Variants in LRRTM3 observed in about 807,000 individuals in gnomAD.
LRRTM3 encodes leucine-rich repeat transmembrane neuronal protein 3.
A neutral mutation model predicts 44.7 loss-of-function variants in LRRTM3; 24 were observed. That is an observed-to-expected ratio of 0.54 (90% confidence interval 0.39 to 0.76). The LOEUF (loss-of-function observed/expected upper bound fraction) is 0.76, where lower values mean the gene tolerates loss of function less well. Ranked by LOEUF, LRRTM3 falls within the 30% of genes least tolerant of loss-of-function variation. The pLI, the probability that LRRTM3 is intolerant of heterozygous loss-of-function variation, is 0.00. For missense variants in LRRTM3, 587 were observed against 702.2 expected, an observed-to-expected ratio of 0.84 and a Z score of 1.85; for synonymous variants, 277 against 278.7, an observed-to-expected ratio of 0.99 and a Z score of 0.06.
intron 2 of LRRTM3, chr10:67,015,430 A>C (rs1036478420): frequency 6.6e-6 from 1 of 152,152 alleles, no homozygotes; most frequent in Non-Finnish European, 1.5e-5. Context: ...TTGATACTAT[A>C]TTTGACTGAA....
intron 2 of LRRTM3, among the ~76,000 whole-genome samples, chr10:66,934,414 A>C (rs139163667): frequency 1.7e-3 from 260 of 152,256 alleles, no homozygotes; most frequent in African/African-American, 6.2e-3. Flanking sequence ...AACACAATTC[A>C]GTCATTTGGC....
chr10:66,996,664 A>G (rs1220992933), intron 2 of LRRTM3, among the ~76,000 whole-genome samples: 1 of 150,730 alleles, frequency 6.6e-6, no homozygotes, highest in Non-Finnish European at 1.5e-5. Flanking sequence ...AAAAAAAAAA[A>G]AAAAAAAGCA....
rs1589482938 is a variant in LRRTM3 at position 66,953,743 on chromosome 10, GA to G, written c.1536+25292del. Reference sequence around the variant, plus strand: ...CTTCTGATATGTTTTATGACATGCTGACACTGTCCTCCTAAGATAATATTAG... The same window carrying G: ...CTTCTGATATGTTTTATGACATGCTGCACTGTCCTCCTAAGATAATATTAG... On this transcript the variant is annotated intron_variant, in intron 2 of 2. Transcript: ENST00000361320. 2.6e-5 allele frequency among the ~76,000 whole-genome samples: 4 copies of G among 152,124 alleles called. No individual in the cohort carries two copies. In the East Asian group the frequency reaches 7.7e-4, roughly 29 times the overall value.
intron 2 of LRRTM3, among the ~76,000 whole-genome samples, chr10:67,049,212 A>G (rs924808319): frequency 2.6e-5 from 4 of 152,122 alleles, no homozygotes; most frequent in Non-Finnish European, 5.9e-5. Flanking sequence ...TGGTAGAAAC[A>G]GGAGGCAGGG....
At chr10:67,078,769 G>GC (rs1856875521) in intron 2 of LRRTM3, among the ~76,000 whole-genome samples, 2 of 151,976 alleles carry the variant, frequency 1.3e-5, no homozygotes, top group Non-Finnish European at 2.9e-5. Context: ...GCCCACCTCG[G>GC]CCCCCCAACG....
intron 2 of LRRTM3, among the ~76,000 whole-genome samples, chr10:66,979,804 A>G (rs1016502289): frequency 6.6e-6 from 1 of 152,196 alleles, no homozygotes; most frequent in South Asian, 2.1e-4. Context: ...ATTTTATTCT[A>G]TGGAGAAAAG....
chr10:66,961,640 C>T (rs915114265), intron 2 of LRRTM3, among the ~76,000 whole-genome samples: 1 of 151,976 alleles, frequency 6.6e-6, no homozygotes, highest in Non-Finnish European at 1.5e-5. Context: ...ATCAAGATGA[C>T]TCCAGATTTA....
rs1554886320 is a variant in LRRTM3, at chr10:66,957,403, T to TATATATGC, written c.1536+28957_1536+28958insGCATATAT. Among the ~76,000 whole-genome samples, 16 of 33,826 alleles carry TATATATGC rather than the reference T, an allele frequency of 4.7e-4. 2 individuals are homozygous for TATATATGC. Among genetic ancestry groups the TATATATGC allele is most frequent in the Admixed American group, 3.0e-3 (13 of 4,340 alleles). 22.2% of individuals were successfully genotyped at this position (33,826 alleles called of 152,430 possible). ...GTGTGTATATATATACATATATATA[T>TATATATGC]ATATATATATGCATATATATATATG... is the stretch of plus-strand genomic sequence containing the variant. On this transcript the variant is annotated intron_variant, in intron 2 of 2. Transcript: ENST00000361320.
At chr10:67,084,155 T>C (rs2131888062) in intron 2 of LRRTM3, among the ~76,000 whole-genome samples, 1 of 152,244 alleles carries the variant, frequency 6.6e-6, no homozygotes, top group South Asian at 2.1e-4. Context: ...CACTTTTAAC[T>C]TGGTATTCAT....
chr10:66,967,031 A>G (rs963617216), intron 2 of LRRTM3, among the ~76,000 whole-genome samples: 17 of 152,086 alleles, frequency 1.1e-4, no homozygotes, highest in African/African-American at 3.6e-4. Flanking sequence ...TCATAGCGCA[A>G]AAAGAAATAT....
intron 2 of LRRTM3, among the ~76,000 whole-genome samples, chr10:67,044,098 C>T (rs886378390): frequency 6.6e-6 from 1 of 151,918 alleles, no homozygotes; most frequent in Non-Finnish European, 1.5e-5. Context: ...CCTCCTCCCT[C>T]TTTCCCCCCA....
At chr10:66,996,736 T>C (rs1459678425) in intron 2 of LRRTM3, among the ~76,000 whole-genome samples, 2 of 151,186 alleles carry the variant, frequency 1.3e-5, no homozygotes, top group Non-Finnish European at 2.9e-5. Flanking sequence ...GTTTTCTGCT[T>C]GCTCAACTTA....
chr10:66,958,099 CA>C (rs1438206521), intron 2 of LRRTM3, among the ~76,000 whole-genome samples: 2 of 152,028 alleles, frequency 1.3e-5, no homozygotes, highest in African/African-American at 4.8e-5. Context: ...CCTTCAGTAC[CA>C]GCTTCCAGAA....
chr10:66,980,468 A>G (rs150050765), intron 2 of LRRTM3, among the ~76,000 whole-genome samples: 1 of 150,760 alleles, frequency 6.6e-6, no homozygotes, highest in East Asian at 1.9e-4. Context: ...CCAAGCAAAA[A>G]TCAGAATTGA....
intron 2 of LRRTM3, among the ~76,000 whole-genome samples, chr10:67,013,257 C>T (rs889283518): frequency 4.6e-5 from 7 of 151,584 alleles, no homozygotes; most frequent in Middle Eastern, 6.8e-3. Context: ...TGCCTCTCTT[C>T]ATTTAATAAA....
At chr10:67,002,164 CCT>C (rs1851727185) in intron 2 of LRRTM3, among the ~76,000 whole-genome samples, 1 of 152,118 alleles carries the variant, frequency 6.6e-6, no homozygotes, top group Non-Finnish European at 1.5e-5. Flanking sequence ...ACTAATTTCC[CCT>C]TTTTGAATTT....
At chr10:66,963,675 T>C (rs1407821510) in intron 2 of LRRTM3, among the ~76,000 whole-genome samples, 1 of 151,936 alleles carries the variant, frequency 6.6e-6, no homozygotes, top group Non-Finnish European at 1.5e-5. Context: ...AGAGGGCATG[T>C]CGAAAACAGG....
chr10:67,077,336 T>A (rs188398864), intron 2 of LRRTM3, among the ~76,000 whole-genome samples: 1 of 152,182 alleles, frequency 6.6e-6, no homozygotes, highest in African/African-American at 2.4e-5. Flanking sequence ...TATGATAAAG[T>A]CTAAATCCTT....
rs1214090860 is a variant in LRRTM3 at position 67,018,337 on chromosome 10, T to C, written c.1537-79250T>C. ...CATTTCTGATTTGATTCCTGATTCC[T>C]GATTTTCTTCACCCAACTTTTTAAA... On this transcript the variant is annotated intron_variant, in intron 2 of 2. Coordinates refer to ENST00000361320, the MANE Select transcript of LRRTM3 (RefSeq NM_178011.5). Among the ~76,000 whole-genome samples, 4 of 152,342 alleles carry C rather than the reference T, an allele frequency of 2.6e-5. No individual in the cohort carries two copies. The East Asian group carries it at 7.7e-4, about 29-fold the overall frequency.
Sources: gnomAD v4.1 joint callset for allele counts (sites outside exome capture counted in the v4.1 genomes callset) on GRCh38, gnomAD v4.1.1 for gene constraint, MANE v1.5 for transcripts, NCBI Gene and HGNC (gene_info 2026-07-23, HGNC 2026-07-21) for gene names.